The following FAM151B variants were observed in gnomAD, a reference collection of about 807,000 sequenced individuals.
The protein encoded by FAM151B is protein FAM151B.
In FAM151B, 24 loss-of-function variants were observed where a neutral mutation model predicts 31.2. The ratio of observed to expected loss-of-function variants is 0.77; its 90% CI spans 0.56 to 1.08. The LOEUF (loss-of-function observed/expected upper bound fraction) is 1.08, where lower values mean the gene tolerates loss of function less well. Ranked by LOEUF, FAM151B falls within the 50% of genes least tolerant of loss-of-function variation. The probability of loss-of-function intolerance (pLI) is 0.00; values close to 1 mark genes in which losing one functional copy is unlikely to be tolerated. For synonymous variants in FAM151B, 105 were observed against 111.4 expected, an observed-to-expected ratio of 0.94 and a Z score of 0.36; for missense variants, 293 against 328.6, an observed-to-expected ratio of 0.89 and a Z score of 0.84.
chr5:80,493,315 A>G (rs1743390027), intron 1 of FAM151B, among the ~76,000 whole-genome samples: 1 of 152,210 alleles, frequency 6.6e-6, no homozygotes, highest in Admixed American at 6.5e-5. Context: ...TATCTTCATA[A>G]GCTGAGAATG....
chr5:80,494,464 C>CTTTTCTTTTCT (rs375414697), intron 1 of FAM151B, among the ~76,000 whole-genome samples: 22 of 45,378 alleles, frequency 4.8e-4, no homozygotes, highest in African/African-American at 1.6e-3. Flanking sequence ...TCTTTTCTTT[C>CTTTTCTTTTCT]TTTCTTTCTT....
Position 80,534,311 on chromosome 5 carries a change from A to C in FAM151B, c.672-7362A>C, listed in dbSNP as rs532916691. Among the ~76,000 whole-genome samples the C allele has an allele frequency of 1.8e-4, 27 of 152,192 alleles. No individual in the cohort carries two copies. In the South Asian group the frequency reaches 5.0e-3, roughly 28 times the overall value. On this transcript the variant is annotated intron_variant, in intron 5 of 5. Coordinates refer to ENST00000282226, the MANE Select transcript of FAM151B (RefSeq NM_205548.3). ...CAGACAAAGACACATTAAAAAAAAA[A>C]CCTACAAATCAATATTACTGATGAA...
At chr5:80,510,590 C>G (rs1272569798) in intron 2 of FAM151B, 14 of 152,178 alleles carry the variant, frequency 9.2e-5, no homozygotes, top group Admixed American at 9.2e-4. Flanking sequence ...AAATCCATAG[C>G]CTAAAATCCT....
chr5:80,506,782 C>T (rs1011122167), intron 2 of FAM151B, among the ~76,000 whole-genome samples: 1 of 152,038 alleles, frequency 6.6e-6, no homozygotes, highest in Non-Finnish European at 1.5e-5. Context: ...GACCTCTTGC[C>T]TCACTGTTTA....
intron 5 of FAM151B, among the ~76,000 whole-genome samples, chr5:80,538,434 T>TTCTTTC (rs1554059052): frequency 1.7e-5 from 1 of 57,510 alleles, no homozygotes; most frequent in African/African-American, 9.4e-5. Context: ...CTTTCTTTCT[T>TTCTTTC]TCTTTCTTTC....
intron 1 of FAM151B, among the ~76,000 whole-genome samples, chr5:80,496,755 A>G (rs191092507): frequency 6.0e-5 from 9 of 149,898 alleles, no homozygotes; most frequent in Non-Finnish European, 1.2e-4. Context: ...AGGGAAATCG[A>G]GGGAAGAGTG....
chr5:80,531,505 C>T (rs989861423), intron 5 of FAM151B, among the ~76,000 whole-genome samples: 1 of 152,010 alleles, frequency 6.6e-6, no homozygotes, highest in Non-Finnish European at 1.5e-5. Context: ...AGGGCTAATA[C>T]CCAGAATCTA....
chr5:80,508,154 C>G (rs542196122), intron 2 of FAM151B, among the ~76,000 whole-genome samples: 1 of 152,154 alleles, frequency 6.6e-6, no homozygotes, highest in Non-Finnish European at 1.5e-5. Flanking sequence ...AGATATACCA[C>G]ATTTTGTTTA....
At chr5:80,493,898 A>G (rs1044743833) in intron 1 of FAM151B, among the ~76,000 whole-genome samples, 9 of 152,030 alleles carry the variant, frequency 5.9e-5, no homozygotes, top group African/African-American at 2.2e-4. Flanking sequence ...CTCCCTGTTC[A>G]TACACCCCCT....
chr5:80,526,133 G>C (rs76457586), intron 5 of FAM151B, among the ~76,000 whole-genome samples: 1,671 of 152,074 alleles, frequency 0.011, 21 homozygotes, highest in African/African-American at 0.038. Flanking sequence ...TACACAGAAA[G>C]TCAGCCTCCT....
chr5:80,499,706 A>T (rs1182224757), intron 1 of FAM151B, among the ~76,000 whole-genome samples: 1 of 151,598 alleles, frequency 6.6e-6, no homozygotes, highest in East Asian at 1.9e-4. Flanking sequence ...ATGTCTACTA[A>T]TTATTACATT....
chr5:80,537,118 A>G (rs1269687498), intron 5 of FAM151B, among the ~76,000 whole-genome samples: 1 of 152,250 alleles, frequency 6.6e-6, no homozygotes, highest in African/African-American at 2.4e-5. Flanking sequence ...TACATAGTAC[A>G]TGCCTACATC....
chr5:80,541,988 C>T lies in FAM151B; in HGVS notation c.*156C>T. ...TATGCTTACTCTGTGGGCATATGTCCTTATAATAGTGCACTTACATAAAAG... is the reference window on the plus strand; with the variant it reads ...TATGCTTACTCTGTGGGCATATGTCTTTATAATAGTGCACTTACATAAAAG... On this transcript the variant is annotated 3_prime_UTR_variant, in exon 6 of 6. Coordinates refer to ENST00000282226, the MANE Select transcript of FAM151B (RefSeq NM_205548.3). 1.4e-5 allele frequency: 10 copies of T among 716,412 alleles called. No homozygotes were observed. Among genetic ancestry groups the T allele is most frequent in the Middle Eastern group, 4.1e-4 (1 of 2,438 alleles). 44.4% of individuals were successfully genotyped at this position (716,412 alleles called of 1,614,324 possible). A position where few individuals can be genotyped will look rare whatever the true frequency, so the allele number is the denominator to read the frequency against.
intron 1 of FAM151B, among the ~76,000 whole-genome samples, chr5:80,496,731 A>G (rs575721717): frequency 1.3e-5 from 2 of 152,108 alleles, no homozygotes; most frequent in East Asian, 3.9e-4. Context: ...TAAATTACCA[A>G]AACAGCCAAA....
intron 5 of FAM151B, among the ~76,000 whole-genome samples, chr5:80,526,368 G>C (rs1744970114): frequency 6.6e-6 from 1 of 151,666 alleles, no homozygotes; most frequent in Admixed American, 6.6e-5. Flanking sequence ...AGCACTTTGG[G>C]AGGCCAAGGC....
chr5:80,508,209 A>G (rs144410524), intron 2 of FAM151B, among the ~76,000 whole-genome samples: 12 of 152,200 alleles, frequency 7.9e-5, no homozygotes, highest in African/African-American at 2.4e-4. Flanking sequence ...CTTTTTTGCT[A>G]CTATGATTAC....
intron 5 of FAM151B, among the ~76,000 whole-genome samples, chr5:80,541,248 G>A (rs969491140): frequency 2.6e-5 from 4 of 152,150 alleles, no homozygotes; most frequent in Non-Finnish European, 4.4e-5. Flanking sequence ...TCTAAGTATT[G>A]TGGATGTCAG....
intron 2 of FAM151B, among the ~76,000 whole-genome samples, chr5:80,506,400 A>G (rs897671897): frequency 1.3e-5 from 2 of 152,218 alleles, no homozygotes; most frequent in African/African-American, 4.8e-5. Flanking sequence ...AGACATAAAG[A>G]TCACAATAAC....
chr5:80,538,448 C>CTCTCTCTT (rs1745661425), intron 5 of FAM151B, among the ~76,000 whole-genome samples: 2 of 49,362 alleles, frequency 4.1e-5, no homozygotes, highest in South Asian at 1.6e-3. Flanking sequence ...TTCTTTCTTT[C>CTCTCTCTT]TCTTTCTTTC....
Sources: allele counts gnomAD v4.1 joint callset (sites outside exome capture counted in the v4.1 genomes callset), GRCh38; gene constraint gnomAD v4.1.1; transcripts MANE v1.5; gene names NCBI Gene and HGNC (gene_info 2026-07-23, HGNC 2026-07-21).